The following FRMD6 variants were observed in gnomAD, a reference collection of about 807,000 sequenced individuals.
FRMD6 encodes FERM domain-containing protein 6.
A neutral mutation model predicts 73.2 loss-of-function variants in FRMD6; 37 were observed. The ratio of observed to expected loss-of-function variants is 0.51; its 90% CI spans 0.39 to 0.66. The LOEUF is 0.66. Ranked by LOEUF, FRMD6 falls within the 30% of genes least tolerant of loss-of-function variation. FRMD6 has a pLI of 0.00. For synonymous variants in FRMD6, 273 were observed against 282.2 expected, an observed-to-expected ratio of 0.97 and a Z score of 0.33; for missense variants, 714 against 780.5, an observed-to-expected ratio of 0.91 and a Z score of 1.02.
At chr14:51,658,714 G>T (rs1893010122) in intron 1 of FRMD6, among the ~76,000 whole-genome samples, 1 of 152,068 alleles carries the variant, frequency 6.6e-6, no homozygotes, top group Non-Finnish European at 1.5e-5. Context: ...TAAAACATAA[G>T]ATTATGATTT....
intron 2 of FRMD6, among the ~76,000 whole-genome samples, chr14:51,585,556 T>C (rs1454704136): frequency 6.6e-6 from 1 of 152,134 alleles, no homozygotes; most frequent in African/African-American, 2.4e-5. Flanking sequence ...CAAATCCAGG[T>C]TTCACATTTA....
intron 2 of FRMD6, chr14:51,697,875 A>C: frequency 3.7e-6 from 1 of 270,608 alleles, no homozygotes; most frequent in South Asian, 1.1e-4. Flanking sequence ...ATCATTTATC[A>C]TGCACCATGG....
chr14:51,625,746 C>T lies in FRMD6; in HGVS notation c.-147+55336C>T, dbSNP rs911749227. 3.3e-5 allele frequency among the ~76,000 whole-genome samples: 5 copies of T among 151,796 alleles called. No homozygotes were observed. The South Asian group carries it at 8.4e-4, about 25-fold the overall frequency. On this transcript the variant is annotated intron_variant, in intron 2 of 14. Transcript: ENST00000356218. ...TCCCTCTCTTCTCTGCTTATCCAAA[C>T]CTTGCCTTATTTTAGGTCCACCTAG...
chr14:51,489,181 C>T (rs906629700), exon 1 of FRMD6: 1 of 152,176 alleles, frequency 6.6e-6, no homozygotes, highest in African/African-American at 2.4e-5. Context: ...TTTCTCCTGC[C>T]CTTTCCCCCA....
At chr14:51,601,672 A>G (rs1203701326) in intron 2 of FRMD6, among the ~76,000 whole-genome samples, 2 of 152,234 alleles carry the variant, frequency 1.3e-5, no homozygotes, top group Non-Finnish European at 2.9e-5. Flanking sequence ...TGAAGTAGTG[A>G]CTTCAACTGG....
intron 5 of FRMD6, among the ~76,000 whole-genome samples, chr14:51,703,895 T>C (rs1193997040): frequency 9.2e-5 from 14 of 152,130 alleles, no homozygotes; most frequent in African/African-American, 3.1e-4. Flanking sequence ...CATTAAAATA[T>C]GTACACACAC....
intron 2 of FRMD6, among the ~76,000 whole-genome samples, chr14:51,635,264 C>T (rs1056626236): frequency 6.6e-6 from 1 of 152,296 alleles, no homozygotes; most frequent in Non-Finnish European, 1.5e-5. Context: ...GGCATATTAG[C>T]GTGTGCCTGT....
the FRMD6 span, among the ~76,000 whole-genome samples, chr14:51,479,605 C>T: frequency 1.3e-5 from 2 of 152,208 alleles, no homozygotes; most frequent in East Asian, 1.9e-4. Context: ...TTTATCCCAA[C>T]AGGATATGGT....
At chr14:51,723,875 TAAG>T (rs960810976) in intron 12 of FRMD6, among the ~76,000 whole-genome samples, 9 of 152,032 alleles carry the variant, frequency 5.9e-5, no homozygotes, top group Middle Eastern at 3.4e-3. Flanking sequence ...TTTAATAACA[TAAG>T]AAGGATAGTT....
At position 51,677,208 on chromosome 14, in the gene FRMD6, A is replaced by G. The variant is rs557611012; in HGVS notation, c.-146-12483A>G. ...TAATGACATAGAAAATCCTTTTGCA[A>G]TGTTACCAGAAAGCTAGCAACTTCT... On this transcript the variant is annotated intron_variant, in intron 1 of 13. Transcript: ENST00000344768. Among the ~76,000 whole-genome samples, 8 of 152,082 alleles carry G rather than the reference A, an allele frequency of 5.3e-5. No homozygotes were observed. In the East Asian group the frequency reaches 5.8e-4, roughly 11 times the overall value.
intron 1 of FRMD6, among the ~76,000 whole-genome samples, chr14:51,660,463 G>A (rs1893138462): frequency 6.6e-6 from 1 of 152,118 alleles, no homozygotes; most frequent in Admixed American, 6.5e-5. Flanking sequence ...GCAACAGAAT[G>A]TGCAAGATCT....
At chr14:51,489,889 G>T (rs935031921) in intron 1 of FRMD6, among the ~76,000 whole-genome samples, 3 of 152,162 alleles carry the variant, frequency 2.0e-5, no homozygotes, top group Non-Finnish European at 4.4e-5. Flanking sequence ...CTTCTTGTAA[G>T]ACACCATCAT....
Position 51,727,996 on chromosome 14 carries a change from C to T in FRMD6, c.1836C>T (p.Leu612=). 6.2e-7 allele frequency: 1 copy of T among 1,611,848 alleles called. No homozygotes were observed. The highest frequency in any genetic ancestry group is 8.5e-7 in the Non-Finnish European group (1 of 1,178,092). ...KRTSKYFSLD[L]THDEVPEFVV ...CCAGCAAATACTTTTCTCTGGATCT[C>T]ACTCATGATGAAGTTCCAGAGTTTG... The change falls in exon 14 of 14, where the codon CTC becomes CTT. Residue 612 remains leucine (L), a synonymous_variant. Coordinates refer to ENST00000344768, the MANE Select transcript of FRMD6 (RefSeq NM_001267046.2).
At chr14:51,621,341 C>T (rs1001801496) in intron 2 of FRMD6, among the ~76,000 whole-genome samples, 1 of 152,126 alleles carries the variant, frequency 6.6e-6, no homozygotes, top group African/African-American at 2.4e-5. Context: ...GGGGATGGAG[C>T]TTTTCGGCTT....
intron 10 of FRMD6, 59 bp from the exon 11 acceptor site, chr14:51,719,995 CT>C: frequency 2.2e-6 from 3 of 1,358,946 alleles, no homozygotes; most frequent in African/African-American, 1.4e-5. Flanking sequence ...TGATGAGTCA[CT>C]TAAGCTCACC....
intron 1 of FRMD6, among the ~76,000 whole-genome samples, chr14:51,656,930 A>G (rs1362842913): frequency 6.6e-6 from 1 of 152,178 alleles, no homozygotes; most frequent in Non-Finnish European, 1.5e-5. Context: ...TTCCAACAAC[A>G]TTATCTTTGT....
At chr14:51,525,143 GAT>G (rs1353091259) in intron 1 of FRMD6, among the ~76,000 whole-genome samples, 34 of 31,828 alleles carry the variant, frequency 1.1e-3, no homozygotes, top group South Asian at 9.5e-3. Context: ...TAGGTGGGTG[GAT>G]GGATGGATGG....
the FRMD6 span, among the ~76,000 whole-genome samples, chr14:51,431,839 T>A: frequency 6.6e-6 from 1 of 152,198 alleles, no homozygotes; most frequent in Non-Finnish European, 1.5e-5. Flanking sequence ...GAGCAGCTTT[T>A]AGGTGTCAGG....
the FRMD6 span, among the ~76,000 whole-genome samples, chr14:51,414,064 G>A: frequency 4.7e-3 from 723 of 152,328 alleles, 2 homozygotes; most frequent in Non-Finnish European, 6.6e-3. Flanking sequence ...TCCTTTGTCA[G>A]ATGGGTAGAA....
Sources: allele counts gnomAD v4.1 joint callset (sites outside exome capture counted in the v4.1 genomes callset), GRCh38; gene constraint gnomAD v4.1.1; transcripts MANE v1.5; gene names NCBI Gene and HGNC (gene_info 2026-07-23, HGNC 2026-07-21).